Variants in TENM3 observed in about 807,000 individuals in gnomAD.
TENM3 encodes teneurin-3.
TENM3 carries 63 observed loss-of-function variants against 255.1 expected under a neutral mutation model. The ratio of observed to expected loss-of-function variants is 0.25; its 90% CI spans 0.20 to 0.30. The LOEUF is 0.30. Ranked by LOEUF, TENM3 falls within the 10% of genes least tolerant of loss-of-function variation. The pLI is 1.00. For missense variants in TENM3, 2,929 were observed against 3,461.1 expected, an observed-to-expected ratio of 0.85 and a Z score of 3.86; for synonymous variants, 1,306 against 1,322.3, an observed-to-expected ratio of 0.99 and a Z score of 0.27.
intron 3 of TENM3, among the ~76,000 whole-genome samples, chr4:182,454,037 A>G (rs759578843): frequency 4.6e-5 from 7 of 152,136 alleles, no homozygotes; most frequent in Non-Finnish European, 7.4e-5. Context: ...TGTTCAGGGA[A>G]ATGCTGAAAG....
At chr4:181,600,052 T>G in the TENM3 span, among the ~76,000 whole-genome samples, 1 of 152,226 alleles carries the variant, frequency 6.6e-6, no homozygotes, top group Non-Finnish European at 1.5e-5. Context: ...TTTTTAGTTT[T>G]GGTTATTTTC....
At chr4:181,815,361 C>G in the TENM3 span, among the ~76,000 whole-genome samples, 2,030 of 147,700 alleles carry the variant, frequency 0.014, 20 homozygotes, top group Non-Finnish European at 0.02. Context: ...ACTTGGGAGG[C>G]TGAGGCAGAA....
chr4:182,624,050 G>C (rs1360856574), intron 4 of TENM3, among the ~76,000 whole-genome samples: 1 of 152,150 alleles, frequency 6.6e-6, no homozygotes, highest in Non-Finnish European at 1.5e-5. Context: ...GGTTTCCTCT[G>C]CTCTCAGGCC....
At chr4:181,633,294 T>C in the TENM3 span, among the ~76,000 whole-genome samples, 4 of 152,172 alleles carry the variant, frequency 2.6e-5, no homozygotes, top group Non-Finnish European at 2.9e-5. Context: ...ATAAGAAAGC[T>C]TATGTAGTCT....
intron 5 of TENM3, among the ~76,000 whole-genome samples, chr4:182,632,708 A>G (rs933068478): frequency 1.3e-5 from 2 of 152,106 alleles, no homozygotes; most frequent in Non-Finnish European, 2.9e-5. Context: ...CATTTTTACC[A>G]TATTTCATTC....
intron 1 of TENM3, among the ~76,000 whole-genome samples, chr4:182,236,924 T>C (rs1411465162): frequency 6.6e-6 from 1 of 152,220 alleles, no homozygotes; most frequent in African/African-American, 2.4e-5. Flanking sequence ...GGTGGTTTGC[T>C]GCACCTATCA....
the TENM3 span, among the ~76,000 whole-genome samples, chr4:181,856,882 G>T: frequency 6.6e-6 from 1 of 152,178 alleles, no homozygotes; most frequent in South Asian, 2.1e-4. Context: ...GCACCACAGT[G>T]GTTATAGCGA....
chr4:182,548,608 TTTG>T (rs1741692965), intron 3 of TENM3: 1 of 152,166 alleles, frequency 6.6e-6, no homozygotes, highest in East Asian at 1.9e-4. Context: ...GTGTGGGACA[TTTG>T]TTAACACTCC....
At chr4:181,960,132 G>A in the TENM3 span, among the ~76,000 whole-genome samples, 1 of 152,154 alleles carries the variant, frequency 6.6e-6, no homozygotes, top group Non-Finnish European at 1.5e-5. Flanking sequence ...AAGAAAAATA[G>A]GAATTAAAAT....
At chr4:182,715,545 C>T (rs961744499) in intron 13 of TENM3, among the ~76,000 whole-genome samples, 1 of 152,186 alleles carries the variant, frequency 6.6e-6, no homozygotes, top group African/African-American at 2.4e-5. Context: ...GGCACAGAGC[C>T]TGCTCTAAGT....
At chr4:181,866,296 G>T in the TENM3 span, among the ~76,000 whole-genome samples, 1 of 152,122 alleles carries the variant, frequency 6.6e-6, no homozygotes, top group African/African-American at 2.4e-5. Context: ...ACATCCTCCT[G>T]GTTAACTGTG....
At chr4:182,245,052 A>C (rs544342334) in intron 1 of TENM3, among the ~76,000 whole-genome samples, 1 of 152,322 alleles carries the variant, frequency 6.6e-6, no homozygotes, top group African/African-American at 2.4e-5. Flanking sequence ...GGCTTCAGAA[A>C]CATTCAAAAC....
At chr4:181,704,394 C>A in the TENM3 span, among the ~76,000 whole-genome samples, 1 of 152,104 alleles carries the variant, frequency 6.6e-6, no homozygotes, top group Non-Finnish European at 1.5e-5. Flanking sequence ...AACATAAATT[C>A]TCTTTACCAG....
At chr4:182,625,911 G>T (rs1750775257) in intron 4 of TENM3, among the ~76,000 whole-genome samples, 1 of 152,176 alleles carries the variant, frequency 6.6e-6, no homozygotes, top group Non-Finnish European at 1.5e-5. Flanking sequence ...TCACAGGCCA[G>T]ATCTAGCCCT....
the TENM3 span, among the ~76,000 whole-genome samples, chr4:181,750,540 T>C: frequency 6.6e-6 from 1 of 152,144 alleles, no homozygotes; most frequent in African/African-American, 2.4e-5. Flanking sequence ...CTCCACAGGA[T>C]TTTATTCCAA....
rs1478429518 is a variant in TENM3, at chr4:182,792,519, A to G, written c.5847A>G (p.Lys1949=). Residue 1949 remains lysine, a synonymous_variant, in exon 26 of 28, where the codon AAA becomes AAG. Transcript: ENST00000511685. The surrounding 1 kb of genome is among the most constrained non-coding windows in gnomAD (Gnocchi z 6.3). ...FLGTSRRVLF[K]YRRQTRLSEI... is the part of the protein sequence containing the mutation. ...GTACAAGTCGGAGGGTCTTATTCAAATACAGAAGGCAGACTAGGCTCTCAG... is the reference window on the plus strand; with the variant it reads ...GTACAAGTCGGAGGGTCTTATTCAAGTACAGAAGGCAGACTAGGCTCTCAG... 6.2e-7 allele frequency: 1 copy of G among 1,613,930 alleles called. No individual in the cohort carries two copies. The highest frequency in any genetic ancestry group is 8.5e-7 in the Non-Finnish European group (1 of 1,179,908).
chr4:181,957,913 G>A, the TENM3 span, among the ~76,000 whole-genome samples: 14 of 152,298 alleles, frequency 9.2e-5, 1 homozygote, highest in South Asian at 2.7e-3. Flanking sequence ...GGATTGTGCT[G>A]AGTTTCTGGA....
At chr4:182,264,545 A>G (rs900456597) in intron 1 of TENM3, among the ~76,000 whole-genome samples, 4 of 152,226 alleles carry the variant, frequency 2.6e-5, no homozygotes, top group Admixed American at 2.0e-4. Context: ...GGGAAAAAAG[A>G]CAGAGACTGT....
At chr4:182,313,461 T>C (rs1038790757) in intron 1 of TENM3, among the ~76,000 whole-genome samples, 19 of 152,052 alleles carry the variant, frequency 1.2e-4, no homozygotes, top group African/African-American at 4.6e-4. Flanking sequence ...GTTCATAATA[T>C]ATTAAGTAAA....
Sources: allele counts gnomAD v4.1 joint callset (sites outside exome capture counted in the v4.1 genomes callset), GRCh38; gene constraint gnomAD v4.1.1; non-coding constraint Gnocchi (gnomAD v3.1); transcripts MANE v1.5; gene names NCBI Gene and HGNC (gene_info 2026-07-23, HGNC 2026-07-21).